The following EPHA10 variants were observed in gnomAD, a reference collection of about 807,000 sequenced individuals.
The protein encoded by EPHA10 is EPH receptor A10.
Under a neutral mutation model 109.7 loss-of-function variants are expected in EPHA10, and 120 were observed. The ratio of observed to expected loss-of-function variants is 1.09; its 90% CI spans 0.94 to 1.27. The LOEUF is 1.27. EPHA10 is among the 50% of genes most tolerant of loss of function. The pLI, the probability that EPHA10 is intolerant of heterozygous loss-of-function variation, is 0.00. For missense variants in EPHA10, 1,396 were observed against 1,411.1 expected (o/e 0.99, Z 0.17); for synonymous variants, 640 against 618.9 (o/e 1.03, Z -0.51).
At chr1:37,733,791 C>T (rs2148333904) in intron 6 of EPHA10, among the ~76,000 whole-genome samples, 1 of 152,116 alleles carries the variant, frequency 6.6e-6, no homozygotes, top group South Asian at 2.1e-4. Flanking sequence ...TGAGAGCCCC[C>T]AACACTCTCA....
intron 6 of EPHA10, among the ~76,000 whole-genome samples, chr1:37,732,924 G>A (rs1243548635): frequency 1.0e-5 from 1 of 98,614 alleles, no homozygotes; most frequent in Admixed American, 1.4e-4. Context: ...GAGTCTTGCT[G>A]TGTCACCTAG....
chr1:37,751,628 C>T (rs756613552), intron 5 of EPHA10, among the ~76,000 whole-genome samples: 32 of 150,888 alleles, frequency 2.1e-4, no homozygotes, highest in Non-Finnish European at 4.3e-4. Flanking sequence ...AATCCCAGCA[C>T]TTTGGAAGCC....
chr1:37,762,186 C>G lies in EPHA10; in HGVS notation c.172-103G>C, dbSNP rs533752834. Reference sequence around the variant, plus strand: ...CTTTCTCTCTCATGCACCATGCACACCCCGGAAATTGTAAGATGCAGCGCT... The same window carrying G: ...CTTTCTCTCTCATGCACCATGCACAGCCCGGAAATTGTAAGATGCAGCGCT... On this transcript the variant is annotated intron_variant, in intron 2 of 16. Transcript: ENST00000373048. The G allele has an allele frequency of 7.2e-6, 8 of 1,118,458 alleles. No homozygotes were observed. The Admixed American group carries it at 1.9e-4, about 26-fold the overall frequency. The allele number at this position is 1,118,458 out of a possible 1,614,324, so 69.3% of individuals were successfully genotyped here.
Position 37,761,715 on chromosome 1 carries a change from G to A in EPHA10, c.540C>T (p.Ile180=), listed in dbSNP as rs143929786. 89 of 1,613,448 alleles carry A rather than the reference G, an allele frequency of 5.5e-5. No homozygotes were observed. The highest frequency in any genetic ancestry group is 6.8e-5 in the Non-Finnish European group (80 of 1,179,928). ...KMKLNTEVRE[I]GPLSRRGFHL... Reference sequence around the variant, plus strand: ...GGAAACCCCGCCGGCTGAGCGGTCCGATCTCGCGCACCTCTGTGTTCAGCT... The same window carrying A: ...GGAAACCCCGCCGGCTGAGCGGTCCAATCTCGCGCACCTCTGTGTTCAGCT... Residue 180 remains isoleucine (I), a synonymous_variant, in exon 3 of 17, where the codon ATC becomes ATT. Transcript: ENST00000373048.
At chr1:37,760,432 A>C in intron 3 of EPHA10, 1 of 1,056,094 alleles carries the variant, frequency 9.5e-7, no homozygotes, top group Non-Finnish European at 1.1e-6. Context: ...AACATGAAGG[A>C]TCTCCCCCAG....
intron 3 of EPHA10, chr1:37,756,423 A>G (rs1646392734): frequency 6.6e-6 from 1 of 152,188 alleles, no homozygotes; most frequent in South Asian, 2.1e-4. Context: ...TGGGCCCATC[A>G]GCGACCACAG....
At chr1:37,735,095 G>C (rs1646047019) in intron 6 of EPHA10, among the ~76,000 whole-genome samples, 162 bp downstream of exon 6, 1 of 152,158 alleles carries the variant, frequency 6.6e-6, no homozygotes. Flanking sequence ...CAGGAGTCCG[G>C]GGGAGGAGGG....
chr1:37,746,836 C>G (rs1456863050), intron 5 of EPHA10, among the ~76,000 whole-genome samples: 1 of 152,098 alleles, frequency 6.6e-6, no homozygotes, highest in Non-Finnish European at 1.5e-5. Context: ...AAACTTGAAG[C>G]CATTATGCTA....
intron 5 of EPHA10, among the ~76,000 whole-genome samples, chr1:37,742,815 G>A (rs973611638): frequency 1.3e-4 from 19 of 151,954 alleles, no homozygotes; most frequent in African/African-American, 3.9e-4. Flanking sequence ...GCAATACTCC[G>A]TCTCTACAAA....
intron 7 of EPHA10, 56 bp from the exon 8 acceptor site, chr1:37,727,266 C>A: frequency 7.0e-7 from 1 of 1,437,666 alleles, no homozygotes; most frequent in Non-Finnish European, 9.4e-7. Flanking sequence ...CTAGGCAAGC[C>A]CCAGGGCAGA....
intron 15 of EPHA10, 171 bp from the exon 16 acceptor site, chr1:37,718,987 T>A: frequency 1.2e-6 from 1 of 826,818 alleles, no homozygotes; most frequent in Non-Finnish European, 1.9e-6. Flanking sequence ...AGCGAGGGCT[T>A]CAGGTTCTTC....
intron 7 of EPHA10, among the ~76,000 whole-genome samples, chr1:37,728,622 T>A (rs1645932878): frequency 6.6e-6 from 1 of 152,052 alleles, no homozygotes; most frequent in Non-Finnish European, 1.5e-5. Context: ...GTATTTCTGA[T>A]GAGATCATCT....
At position 37,765,047 on chromosome 1, in the gene EPHA10, G is replaced by A; in HGVS notation, c.20C>T (p.Pro7Leu). The change falls in exon 1 of 17, where the codon CCA becomes CTA. Residue 7 changes from proline to leucine, a missense_variant. Pro to Leu is a moderately conservative substitution (Grantham distance 98). Transcript: ENST00000373048. The stretch of plus-strand genomic sequence containing the variant: ...GCAGAGGAAGAGGCGCAGCGGGTGT[G>A]GACCGGCGCAGGTCTCCATGGTCCG... METCAG[P>L]HPLRLFLCRM... 6.2e-7 allele frequency: 1 copy of A among 1,605,412 alleles called. No individual in the cohort carries two copies. Among genetic ancestry groups the A allele is most frequent in the Non-Finnish European group, 8.5e-7 (1 of 1,177,912 alleles).
At position 37,762,084 on chromosome 1, in the gene EPHA10, C is replaced by T; in HGVS notation, c.172-1G>A. On this transcript the variant is annotated splice_acceptor_variant, in intron 2 of 16. Coordinates refer to ENST00000373048, the MANE Select transcript of EPHA10 (RefSeq NM_001099439.2). LOFTEE classifies it high-confidence loss of function. ...CATCCACGCCGCTGATCTCCTCCCACTGGGGACAAGAGTAAAGGGGTGGGC... is the reference window on the plus strand; with the variant it reads ...CATCCACGCCGCTGATCTCCTCCCATTGGGGACAAGAGTAAAGGGGTGGGC... 6.3e-7 allele frequency: 1 copy of T among 1,578,646 alleles called. No individual in the cohort carries two copies. The highest frequency in any genetic ancestry group is 8.6e-7 in the Non-Finnish European group (1 of 1,160,240).
At chr1:37,721,224 C>T (rs892012522) in intron 11 of EPHA10, among the ~76,000 whole-genome samples, 2 of 149,708 alleles carry the variant, frequency 1.3e-5, no homozygotes, top group African/African-American at 4.9e-5. Flanking sequence ...TCAAGACCAT[C>T]CTGGCTAACA....
rs561056627 is a variant in EPHA10, at chr1:37,741,215, C to T, written c.1358-5825G>A. 3.3e-5 allele frequency among the ~76,000 whole-genome samples: 5 copies of T among 152,330 alleles called. No homozygotes were observed. The South Asian group carries it at 1.0e-3, about 32-fold the overall frequency. Reference sequence around the variant, plus strand: ...AAGTAATGTGTTATGAGGGACTGAGCGAGTGCTCAGCACCAGCATTCCAGC... The same window carrying T: ...AAGTAATGTGTTATGAGGGACTGAGTGAGTGCTCAGCACCAGCATTCCAGC... On this transcript the variant is annotated intron_variant, in intron 5 of 16. Coordinates refer to ENST00000373048, the MANE Select transcript of EPHA10 (RefSeq NM_001099439.2).
At position 37,717,204 on chromosome 1, in the gene EPHA10, T is replaced by A; in HGVS notation, c.*1168A>T. On this transcript the variant is annotated 3_prime_UTR_variant, in exon 17 of 17. Transcript: ENST00000373048. ...CCCTTGTGGATAAGGAACTCCACGG[T>A]GGGCTCAGCACAACCACTTCTGCCA... The A allele has an allele frequency of 4.3e-6, 1 of 232,894 alleles. No individual in the cohort carries two copies. The highest frequency in any genetic ancestry group is 2.2e-5 in the African/African-American group (1 of 45,434). 14.4% of individuals were successfully genotyped at this position (232,894 alleles called of 1,614,324 possible). A position where few individuals can be genotyped will look rare whatever the true frequency, so the allele number is the denominator to read the frequency against.
chr1:37,739,528 A>C (rs895956962), intron 5 of EPHA10, among the ~76,000 whole-genome samples: 1 of 151,996 alleles, frequency 6.6e-6, no homozygotes, highest in Non-Finnish European at 1.5e-5. Flanking sequence ...GTCTCTACTA[A>C]AATTACAGAA....
chr1:37,722,846 C>T (rs1371872275), intron 10 of EPHA10, 195 bp downstream of exon 10: 3 of 786,322 alleles, frequency 3.8e-6, no homozygotes, highest in African/African-American at 3.4e-5. Context: ...CTGCCATCCT[C>T]TTCCCTATAA....
Sources: gnomAD v4.1 joint callset for allele counts (sites outside exome capture counted in the v4.1 genomes callset) on GRCh38, gnomAD v4.1.1 for gene constraint, MANE v1.5 for transcripts, NCBI Gene and HGNC (gene_info 2026-07-23, HGNC 2026-07-21) for gene names.